Variants in LRRC4C observed in about 807,000 individuals in gnomAD.
LRRC4C encodes leucine rich repeat containing 4C, also known as leucine-rich repeat-containing protein 4C.
Under a neutral mutation model 33.6 loss-of-function variants are expected in LRRC4C, and 5 were observed. The ratio of observed to expected loss-of-function variants is 0.15; its 90% CI spans 0.08 to 0.31. The LOEUF (loss-of-function observed/expected upper bound fraction) is 0.31, where lower values mean the gene tolerates loss of function less well. LRRC4C is among the 10% of genes least tolerant of loss of function. LRRC4C has a pLI of 1.00. For synonymous variants in LRRC4C, 329 were observed against 302.0 expected (o/e 1.09, Z -0.93); for missense variants, 560 against 796.7 (o/e 0.70, Z 3.58).
intron 1 of LRRC4C, among the ~76,000 whole-genome samples, chr11:41,426,794 T>G (rs994946820): frequency 3.9e-5 from 6 of 152,096 alleles, no homozygotes; most frequent in African/African-American, 1.4e-4. Context: ...ATAACTAGAG[T>G]CAGCTAGACA....
chr11:40,658,478 T>C (rs1390029661), intron 2 of LRRC4C, among the ~76,000 whole-genome samples: 1 of 152,144 alleles, frequency 6.6e-6, no homozygotes, highest in Non-Finnish European at 1.5e-5. Context: ...GGGGTTTAAT[T>C]GTAAAGCTAC....
At chr11:40,664,097 A>G (rs1943591256) in intron 2 of LRRC4C, among the ~76,000 whole-genome samples, 1 of 152,322 alleles carries the variant, frequency 6.6e-6, no homozygotes, top group Admixed American at 6.5e-5. Flanking sequence ...TTCTGCATAC[A>G]TAGGAGAAAT....
chr11:41,440,134 A>G (rs768991812), intron 1 of LRRC4C, among the ~76,000 whole-genome samples: 3 of 151,948 alleles, frequency 2.0e-5, no homozygotes, highest in Non-Finnish European at 4.4e-5. Flanking sequence ...TCTTTTAAGA[A>G]TTTTGTAGTT....
intron 4 of LRRC4C, among the ~76,000 whole-genome samples, chr11:40,287,949 A>G (rs1943953775): frequency 6.6e-6 from 1 of 152,210 alleles, no homozygotes; most frequent in Admixed American, 6.5e-5. Context: ...GTGAACTTAG[A>G]GTAACAGCTT....
At chr11:40,796,521 A>G (rs2135226297) in intron 2 of LRRC4C, among the ~76,000 whole-genome samples, 1 of 152,314 alleles carries the variant, frequency 6.6e-6, no homozygotes, top group South Asian at 2.1e-4. Context: ...TACAACAGCA[A>G]GAATCACTAG....
At chr11:40,622,856 A>T (rs1962584240) in intron 3 of LRRC4C, among the ~76,000 whole-genome samples, 1 of 151,860 alleles carries the variant, frequency 6.6e-6, no homozygotes, top group African/African-American at 2.4e-5. Flanking sequence ...CTTAACAGTG[A>T]CTATTTTTAG....
At chr11:40,946,928 A>C (rs1180265205) in intron 1 of LRRC4C, among the ~76,000 whole-genome samples, 1 of 152,172 alleles carries the variant, frequency 6.6e-6, no homozygotes, top group African/African-American at 2.4e-5. Flanking sequence ...TTATCAGCCC[A>C]CAGTGGAATA....
chr11:40,516,125 T>A (rs567723279), intron 3 of LRRC4C, among the ~76,000 whole-genome samples: 1 of 152,108 alleles, frequency 6.6e-6, no homozygotes, highest in African/African-American at 2.4e-5. Flanking sequence ...CCTAATACTA[T>A]AGTGGCATTA....
chr11:40,236,147 G>A (rs1865539037), intron 5 of LRRC4C, among the ~76,000 whole-genome samples: 1 of 150,286 alleles, frequency 6.7e-6, no homozygotes, highest in Non-Finnish European at 1.5e-5. Flanking sequence ...AAAGCTCTAA[G>A]ACCCAGATTT....
chr11:40,677,524 A>G (rs2136307734), intron 2 of LRRC4C, among the ~76,000 whole-genome samples: 1 of 152,190 alleles, frequency 6.6e-6, no homozygotes, highest in Middle Eastern at 3.4e-3. Context: ...CATCACCTAG[A>G]TTTTCTTGAT....
chr11:40,504,436 A>G (rs915233305), intron 3 of LRRC4C, among the ~76,000 whole-genome samples: 4 of 148,486 alleles, frequency 2.7e-5, no homozygotes, highest in Non-Finnish European at 1.5e-5. Flanking sequence ...AAAGACTCAG[A>G]TGAACAGAAT....
chr11:41,134,602 G>T (rs1422699854), intron 1 of LRRC4C, among the ~76,000 whole-genome samples: 1 of 152,116 alleles, frequency 6.6e-6, no homozygotes, highest in Admixed American at 6.5e-5. Flanking sequence ...TCATACCTCT[G>T]GAGGCTAGAA....
At chr11:40,751,871 T>C (rs1449181021) in intron 2 of LRRC4C, among the ~76,000 whole-genome samples, 1 of 152,090 alleles carries the variant, frequency 6.6e-6, no homozygotes, top group African/African-American at 2.4e-5. Context: ...TAGGCTACAG[T>C]AACCAAAAAA....
At chr11:40,424,306 G>A (rs1565373875) in intron 3 of LRRC4C, among the ~76,000 whole-genome samples, 1 of 152,138 alleles carries the variant, frequency 6.6e-6, no homozygotes, top group Non-Finnish European at 1.5e-5. Flanking sequence ...CCAAATTGAA[G>A]AGGAGTTATA....
chr11:41,209,808 C>T (rs911866921), intron 1 of LRRC4C, among the ~76,000 whole-genome samples: 8 of 152,096 alleles, frequency 5.3e-5, no homozygotes, highest in African/African-American at 1.9e-4. Context: ...GACTGAATTG[C>T]GTCCTCCCAG....
intron 2 of LRRC4C, among the ~76,000 whole-genome samples, chr11:40,807,464 T>A (rs1167163618): frequency 7.7e-6 from 1 of 129,374 alleles, no homozygotes; most frequent in African/African-American, 4.0e-5. Context: ...TCATTATTGA[T>A]GGAAACAGCT....
chr11:41,034,763 G>A (rs990357344), intron 1 of LRRC4C, among the ~76,000 whole-genome samples: 1 of 148,862 alleles, frequency 6.7e-6, no homozygotes, highest in African/African-American at 2.5e-5. Flanking sequence ...TAGTGGTCAA[G>A]TATGCCACAT....
chr11:41,176,936 G>A (rs1225257839), intron 1 of LRRC4C, among the ~76,000 whole-genome samples: 1 of 152,092 alleles, frequency 6.6e-6, no homozygotes, highest in Non-Finnish European at 1.5e-5. Context: ...CTGCACTCCA[G>A]CCTGGGCGAC....
At chr11:40,441,866 A>T (rs1951409730) in intron 3 of LRRC4C, among the ~76,000 whole-genome samples, 1 of 152,178 alleles carries the variant, frequency 6.6e-6, no homozygotes, top group South Asian at 2.1e-4. Context: ...ATTATGCATC[A>T]TAAAAAGATG....
Sources: allele counts gnomAD v4.1 joint callset (sites outside exome capture counted in the v4.1 genomes callset), GRCh38; gene constraint gnomAD v4.1.1; transcripts MANE v1.5; gene names NCBI Gene and HGNC (gene_info 2026-07-23, HGNC 2026-07-21).